Variants in LINGO2 observed in about 807,000 individuals in gnomAD.
LINGO2 encodes leucine-rich repeat and immunoglobulin-like domain-containing nogo receptor-interacting protein 2.
In LINGO2, 14 loss-of-function variants were observed where a neutral mutation model predicts 30.6. The observed-to-expected ratio is 0.46, with a 90% confidence interval of 0.30 to 0.72. The LOEUF is 0.72. Among genes scored for constraint, LINGO2 ranks in the 30% least tolerant of loss-of-function variants. LINGO2 has a pLI of 0.07. For missense variants in LINGO2, 729 were observed against 751.7 expected (o/e 0.97, Z 0.35); for synonymous variants, 317 against 288.5 (o/e 1.10, Z -1.00).
the LINGO2 span, among the ~76,000 whole-genome samples, chr9:28,747,259 C>G: frequency 1.3e-5 from 2 of 152,008 alleles, no homozygotes; most frequent in South Asian, 4.2e-4. Context: ...GGCTGGGGAC[C>G]ATTAGAGTGA....
chr9:29,111,361 C>T, the LINGO2 span, among the ~76,000 whole-genome samples: 2 of 152,048 alleles, frequency 1.3e-5, no homozygotes, highest in Non-Finnish European at 2.9e-5. Flanking sequence ...TTAGTGTTTA[C>T]GGCCCTTTGC....
intron 4 of LINGO2, among the ~76,000 whole-genome samples, chr9:28,027,053 C>T (rs1320311522): frequency 6.6e-6 from 1 of 152,138 alleles, no homozygotes; most frequent in East Asian, 1.9e-4. Context: ...CATTCTCATT[C>T]ACTTAACAAA....
chr9:28,950,191 A>C, the LINGO2 span, among the ~76,000 whole-genome samples: 1 of 152,226 alleles, frequency 6.6e-6, no homozygotes, highest in Non-Finnish European at 1.5e-5. Context: ...ATAAAAGTCA[A>C]CACCGCTTCA....
At chr9:28,209,900 C>T (rs1407192066) in intron 4 of LINGO2, among the ~76,000 whole-genome samples, 1 of 151,662 alleles carries the variant, frequency 6.6e-6, no homozygotes, top group African/African-American at 2.4e-5. Context: ...TCATGGAAGG[C>T]AAGCTATGAA....
At chr9:28,386,310 A>G (rs1013176020) in intron 2 of LINGO2, among the ~76,000 whole-genome samples, 1 of 152,184 alleles carries the variant, frequency 6.6e-6, no homozygotes, top group Non-Finnish European at 1.5e-5. Flanking sequence ...TTCATTTGCA[A>G]CTAAGACACT....
Position 28,505,303 on chromosome 9 carries a change from TA to T in LINGO2, c.-364-29279del, listed in dbSNP as rs531523179. On this transcript the variant is annotated intron_variant, in intron 1 of 5. Transcript: ENST00000379992. The stretch of plus-strand genomic sequence containing the variant: ...AGTGACTCTCAGGTGGGGCCAAAGG[TA>T]AAAAATAAACAAAATGTTCCTCAGC... Among the ~76,000 whole-genome samples, 20 of 151,930 alleles carry T rather than the reference TA, an allele frequency of 1.3e-4. 1 individual carries two copies. In the East Asian group the frequency reaches 3.9e-3, roughly 29 times the overall value.
chr9:28,085,712 C>T (rs1825891136), intron 4 of LINGO2, among the ~76,000 whole-genome samples: 1 of 152,024 alleles, frequency 6.6e-6, no homozygotes, highest in East Asian at 1.9e-4. Flanking sequence ...ATCTCATTAC[C>T]TCTTGAGAGT....
At chr9:28,080,321 GCTT>G (rs1045266443) in intron 4 of LINGO2, among the ~76,000 whole-genome samples, 3 of 152,092 alleles carry the variant, frequency 2.0e-5, no homozygotes, top group African/African-American at 4.8e-5. Context: ...AGTTTTTCCA[GCTT>G]CTTCTTCTGT....
chr9:28,390,659 C>A (rs1043828257), intron 2 of LINGO2, among the ~76,000 whole-genome samples: 1 of 152,100 alleles, frequency 6.6e-6, no homozygotes, highest in Non-Finnish European at 1.5e-5. Context: ...CTGCCATCTC[C>A]TAAACCTTCC....
At chr9:28,443,302 T>C (rs1227290865) in intron 2 of LINGO2, among the ~76,000 whole-genome samples, 1 of 152,214 alleles carries the variant, frequency 6.6e-6, no homozygotes, top group Non-Finnish European at 1.5e-5. Flanking sequence ...TAGAGGCCCA[T>C]CTGGAGCAAC....
At chr9:28,562,523 A>C (rs1453545675) in intron 1 of LINGO2, among the ~76,000 whole-genome samples, 2 of 151,572 alleles carry the variant, frequency 1.3e-5, no homozygotes, top group African/African-American at 4.8e-5. Flanking sequence ...TCACCAGGAA[A>C]GTATATGTTT....
chr9:28,020,421 C>T (rs1019385425), intron 4 of LINGO2, among the ~76,000 whole-genome samples: 1 of 152,066 alleles, frequency 6.6e-6, no homozygotes, highest in African/African-American at 2.4e-5. Flanking sequence ...CCCAGCTACT[C>T]AGGAGGCTGA....
the LINGO2 span, among the ~76,000 whole-genome samples, chr9:28,704,267 A>G: frequency 6.6e-6 from 1 of 151,980 alleles, no homozygotes; most frequent in South Asian, 2.1e-4. Flanking sequence ...TGCTTGCAAG[A>G]TTTCTGAGGA....
chr9:28,513,084 T>C (rs935545514), intron 1 of LINGO2, among the ~76,000 whole-genome samples: 9 of 146,754 alleles, frequency 6.1e-5, no homozygotes, highest in African/African-American at 1.5e-4. Context: ...TTAACCATCA[T>C]ACACACACAC....
At chr9:28,019,192 T>A (rs559607023) in intron 4 of LINGO2, among the ~76,000 whole-genome samples, 34 of 152,082 alleles carry the variant, frequency 2.2e-4, no homozygotes, top group African/African-American at 8.2e-4. Flanking sequence ...ACCTGAATGA[T>A]GAAATAAACT....
intron 4 of LINGO2, among the ~76,000 whole-genome samples, chr9:28,251,134 C>T (rs1279486446): frequency 1.3e-5 from 2 of 152,160 alleles, no homozygotes; most frequent in Non-Finnish European, 2.9e-5. Context: ...AGAACATTTA[C>T]TTTAGAAAAC....
chr9:29,056,197 T>C, the LINGO2 span, among the ~76,000 whole-genome samples: 1 of 152,112 alleles, frequency 6.6e-6, no homozygotes, highest in Non-Finnish European at 1.5e-5. Context: ...ATAGTGGTTG[T>C]ACTAGTTTAC....
intron 4 of LINGO2, among the ~76,000 whole-genome samples, chr9:28,174,932 G>GAC (rs1420250173): frequency 0.014 from 2,058 of 151,824 alleles, 54 homozygotes; most frequent in African/African-American, 0.048. Flanking sequence ...GAGAGAGAGA[G>GAC]AGAGAGAGAG....
chr9:28,876,281 C>G, the LINGO2 span, among the ~76,000 whole-genome samples: 50 of 151,810 alleles, frequency 3.3e-4, no homozygotes, highest in East Asian at 9.1e-3. Flanking sequence ...TTAAGTTTTA[C>G]GGTACATGTG....
Sources: gnomAD v4.1 joint callset for allele counts (sites outside exome capture counted in the v4.1 genomes callset) on GRCh38, gnomAD v4.1.1 for gene constraint, MANE v1.5 for transcripts, NCBI Gene and HGNC (gene_info 2026-07-23, HGNC 2026-07-21) for gene names.